SLCO4C1: variants seen among roughly 807,000 people sequenced by gnomAD.
The protein encoded by SLCO4C1 is organic anion transporter M1.
Under a neutral mutation model 72.1 loss-of-function variants are expected in SLCO4C1, and 58 were observed. The ratio of observed to expected loss-of-function variants is 0.80; its 90% confidence interval spans 0.65 to 1.00. SLCO4C1 has a LOEUF of 1.00. Among genes scored for constraint, SLCO4C1 ranks in the 50% least tolerant of loss-of-function variants. The pLI is 0.00. For missense variants in SLCO4C1, 898 were observed against 857.9 expected (o/e 1.05, Z -0.58); for synonymous variants, 297 against 312.5 (o/e 0.95, Z 0.52).
intron 10 of SLCO4C1, among the ~76,000 whole-genome samples, chr5:102,241,435 A>G (rs1328539831): frequency 3.3e-5 from 5 of 152,212 alleles, no homozygotes; most frequent in Non-Finnish European, 5.9e-5. Flanking sequence ...ATAATACAAA[A>G]ATCAGCTGCA....
rs941600690 is a variant in SLCO4C1, at chr5:102,284,804, T to C, written c.619+6539A>G. Among the ~76,000 whole-genome samples, 4 of 152,212 alleles carry C rather than the reference T, an allele frequency of 2.6e-5. No individual in the cohort carries two copies. In the South Asian group the frequency reaches 8.3e-4, roughly 31 times the overall value. ...CTACCTACCAGCAAACTATAGCTTG[T>C]AATGAGAATGAGTTTGTGCTAAAAT... On this transcript the variant is annotated intron_variant, in intron 2 of 12. Transcript: ENST00000310954.
chr5:102,244,094 G>A (rs1459998039), intron 10 of SLCO4C1, among the ~76,000 whole-genome samples: 3 of 152,148 alleles, frequency 2.0e-5, no homozygotes, highest in Non-Finnish European at 4.4e-5. Flanking sequence ...GGCTGAGGCA[G>A]GAGAATCACT....
chr5:102,258,355 G>A (rs1448276408), intron 6 of SLCO4C1, among the ~76,000 whole-genome samples: 1 of 152,132 alleles, frequency 6.6e-6, no homozygotes, highest in African/African-American at 2.4e-5. Flanking sequence ...GCTATGGAAA[G>A]AAGGTAAAAG....
At chr5:102,238,683 A>T (rs1748482725) in intron 12 of SLCO4C1, among the ~76,000 whole-genome samples, 1 of 152,128 alleles carries the variant, frequency 6.6e-6, no homozygotes, top group South Asian at 2.1e-4. Context: ...TTCAACTTTT[A>T]TTTTACTAGT....
intron 10 of SLCO4C1, among the ~76,000 whole-genome samples, chr5:102,243,612 A>C (rs1748586368): frequency 6.6e-6 from 1 of 152,326 alleles, no homozygotes; most frequent in East Asian, 1.9e-4. Context: ...AAGCCATCCC[A>C]AGAAGGATGG....
intron 10 of SLCO4C1, among the ~76,000 whole-genome samples, chr5:102,244,902 A>C (rs1400626566): frequency 2.0e-5 from 3 of 152,188 alleles, no homozygotes; most frequent in Non-Finnish European, 4.4e-5. Flanking sequence ...GGTGTACTTC[A>C]ATCAGAAAAA....
chr5:102,278,164 A>G (rs1749283551), intron 2 of SLCO4C1, among the ~76,000 whole-genome samples: 1 of 152,172 alleles, frequency 6.6e-6, no homozygotes. Flanking sequence ...AGATTGGGGG[A>G]AAAAACATAT....
chr5:102,269,235 G>A (rs1392576088), intron 3 of SLCO4C1, among the ~76,000 whole-genome samples: 13 of 152,008 alleles, frequency 8.6e-5, no homozygotes, highest in Admixed American at 8.5e-4. Flanking sequence ...GATGTTTTCA[G>A]CATTATTTCA....
rs1404299106 is a variant in SLCO4C1, at chr5:102,234,645, T to A, written c.*2213A>T. On this transcript the variant is annotated 3_prime_UTR_variant, in exon 13 of 13. Coordinates refer to ENST00000310954, the MANE Select transcript of SLCO4C1 (RefSeq NM_180991.5). ...TTTCTTCCTCTAAATTAAGTGGCCC[T>A]AGACTAATATATTTGTTCAGTTATT... 1.3e-5 allele frequency: 2 copies of A among 152,214 alleles called. No individual in the cohort carries two copies. The highest frequency in any genetic ancestry group is 4.8e-5 in the African/African-American group (2 of 41,452). The allele number at this position is 152,214 out of a possible 1,614,324, so 9.4% of individuals were successfully genotyped here. A position where few individuals can be genotyped will look rare whatever the true frequency, so the allele number is the denominator to read the frequency against.
chr5:102,264,894 G>C (rs959380116), intron 3 of SLCO4C1, among the ~76,000 whole-genome samples: 1 of 151,636 alleles, frequency 6.6e-6, no homozygotes, highest in Admixed American at 6.6e-5. Flanking sequence ...TATCTTCTGT[G>C]CCTGACTTGT....
chr5:102,247,498 G>A (rs1054323943), intron 9 of SLCO4C1, 56 bp from the exon 10 acceptor site: 3 of 1,196,150 alleles, frequency 2.5e-6, no homozygotes, highest in African/African-American at 1.5e-5. Flanking sequence ...ATAAATTATT[G>A]TAAATTAGGT....
At chr5:102,291,698 C>CTTTTT in intron 1 of SLCO4C1, 92 bp from the exon 2 acceptor site, 1 of 1,009,866 alleles carries the variant, frequency 9.9e-7, no homozygotes, top group Non-Finnish European at 1.3e-6. Context: ...TTATTCATTT[C>CTTTTT]TTTTTTTTCT....
At chr5:102,272,554 G>T (rs1192228134) in intron 2 of SLCO4C1, among the ~76,000 whole-genome samples, 1 of 152,084 alleles carries the variant, frequency 6.6e-6, no homozygotes, top group African/African-American at 2.4e-5. Context: ...GAAAAATACT[G>T]TCATTAATGT....
intron 10 of SLCO4C1, among the ~76,000 whole-genome samples, chr5:102,243,299 G>A (rs72777928): frequency 0.058 from 8,853 of 152,234 alleles, 300 homozygotes; most frequent in East Asian, 0.11. Flanking sequence ...GGACACAAGC[G>A]TGGCTGGCTT....
intron 1 of SLCO4C1, among the ~76,000 whole-genome samples, chr5:102,294,755 A>G (rs1749617036): frequency 6.6e-6 from 1 of 152,188 alleles, no homozygotes; most frequent in East Asian, 1.9e-4. Context: ...CAATCAATAA[A>G]TGGTTACTTA....
intron 1 of SLCO4C1, among the ~76,000 whole-genome samples, chr5:102,291,916 G>T (rs1443960118): frequency 6.6e-6 from 1 of 151,888 alleles, no homozygotes; most frequent in Non-Finnish European, 1.5e-5. Context: ...CCACCTCCAG[G>T]GTTCAAGTGA....
At position 102,263,583 on chromosome 5, in the gene SLCO4C1, A is replaced by G. The variant is rs557837007; in HGVS notation, c.899+101T>C. 5.8e-6 allele frequency: 5 copies of G among 861,568 alleles called. No homozygotes were observed. In the South Asian group the frequency reaches 9.7e-5, roughly 17 times the overall value. 53.4% of individuals were successfully genotyped at this position (861,568 alleles called of 1,614,324 possible). A position where few individuals can be genotyped will look rare whatever the true frequency, so the allele number is the denominator to read the frequency against. The stretch of plus-strand genomic sequence containing the variant: ...AATTTTGTTTCCTGAATAATTCCTC[A>G]TGCTATACTGAGGGAAGTACTGTGA... On this transcript the variant is annotated intron_variant, in intron 4 of 12. Transcript: ENST00000310954.
Position 102,296,256 on chromosome 5 carries a change from T to C in SLCO4C1, c.7A>G (p.Ser3Gly). Residue 3 changes from serine to glycine, a missense_variant, in exon 1 of 13, where the codon AGC becomes GGC. By Grantham distance (56) the Ser-to-Gly change is moderately conservative. Coordinates refer to ENST00000310954, the MANE Select transcript of SLCO4C1 (RefSeq NM_180991.5). MK[S>G]AKGIENLAFV... ...GCCAAGTTCTCAATACCTTTGGCGC[T>C]CTTCATGTCTGGATGGGTTCTCCCG... 6.5e-7 allele frequency: 1 copy of C among 1,531,316 alleles called. No individual in the cohort carries two copies. The highest frequency in any genetic ancestry group is 8.8e-7 in the Non-Finnish European group (1 of 1,140,392). The allele number at this position is 1,531,316 out of a possible 1,614,324, so 94.9% of individuals were successfully genotyped here.
At chr5:102,291,945 T>C (rs569907299) in intron 1 of SLCO4C1, among the ~76,000 whole-genome samples, 24 of 152,154 alleles carry the variant, frequency 1.6e-4, no homozygotes, top group African/African-American at 5.5e-4. Context: ...CCTCAGGCTC[T>C]GGAGTAGATG....
Sources: gnomAD v4.1 joint callset for allele counts (sites outside exome capture counted in the v4.1 genomes callset) on GRCh38, gnomAD v4.1.1 for gene constraint, MANE v1.5 for transcripts, NCBI Gene and HGNC (gene_info 2026-07-23, HGNC 2026-07-21) for gene names.